The following HSD17B4 variants were observed in gnomAD, a reference collection of about 807,000 sequenced individuals.
HSD17B4 encodes the protein peroxisomal multifunctional enzyme type 2.
Under a neutral mutation model 101.0 loss-of-function variants are expected in HSD17B4, and 70 were observed. The ratio of observed to expected loss-of-function variants is 0.69; its 90% CI spans 0.57 to 0.85. The LOEUF is 0.85. Among genes scored for constraint, HSD17B4 ranks in the 40% least tolerant of loss-of-function variants. The pLI, the probability that HSD17B4 is intolerant of heterozygous loss-of-function variation, is 0.00. For missense variants in HSD17B4, 984 were observed against 892.4 expected, an observed-to-expected ratio of 1.10 and a Z score of -1.31; for synonymous variants, 347 against 297.1, an observed-to-expected ratio of 1.17 and a Z score of -1.73.
rs1752786560 is a variant in HSD17B4, at chr5:119,517,967, T to C, written c.1503+2921T>C. Among the ~76,000 whole-genome samples, 5 of 152,154 alleles carry C rather than the reference T, an allele frequency of 3.3e-5. 1 individual carries two copies. The South Asian group carries it at 1.0e-3, about 32-fold the overall frequency. ...TGGGGACGTGGAGAACCTTTATGTC[T>C]AGCTCAGGGATTGTAAACGCACCAA... On this transcript the variant is annotated intron_variant, in intron 17 of 23. Transcript: ENST00000510025.
chr5:119,499,704 CT>C (rs574481770), intron 13 of HSD17B4, 151 bp downstream of exon 13: 1 of 440,768 alleles, frequency 2.3e-6, no homozygotes, highest in Admixed American at 3.9e-5. Context: ...TTTGATTTTT[CT>C]TTTTAAGAAT....
chr5:119,483,232 C>G (rs1487737274), intron 8 of HSD17B4, among the ~76,000 whole-genome samples: 1 of 152,088 alleles, frequency 6.6e-6, no homozygotes. Flanking sequence ...AGCAATTTGT[C>G]GGTTACTGTT....
Position 119,514,834 on chromosome 5 carries a change from T to G in HSD17B4, c.1438-147T>G, listed in dbSNP as rs1021898884. The G allele has an allele frequency of 4.7e-6, 3 of 635,776 alleles. No homozygotes were observed. In the African/African-American group the frequency reaches 5.5e-5, roughly 12 times the overall value. The allele number at this position is 635,776 out of a possible 1,614,324, so 39.4% of individuals were successfully genotyped here. A position where few individuals can be genotyped will look rare whatever the true frequency, so the allele number is the denominator to read the frequency against. On this transcript the variant is annotated intron_variant, in intron 16 of 23. Coordinates refer to ENST00000510025, the MANE Select transcript of HSD17B4 (RefSeq NM_000414.4). ...GTTATGAAATTTTAAATATCATTATTTCCTGAGCATGATTTTTTTTAAACC... is the reference window on the plus strand; with the variant it reads ...GTTATGAAATTTTAAATATCATTATGTCCTGAGCATGATTTTTTTTAAACC...
intron 16 of HSD17B4, among the ~76,000 whole-genome samples, chr5:119,514,416 T>A (rs1752434203): frequency 6.6e-6 from 1 of 152,200 alleles, no homozygotes; most frequent in East Asian, 1.9e-4. Flanking sequence ...CTACTTGAAT[T>A]TTTTATGTTT....
Position 119,502,498 on chromosome 5 carries a change from T to C in HSD17B4, c.1261+406T>C, listed in dbSNP as rs1473194148. On this transcript the variant is annotated intron_variant, in intron 14 of 23. Coordinates refer to ENST00000510025, the MANE Select transcript of HSD17B4 (RefSeq NM_000414.4). ...AAGATACAGAATTTCTTGTAATTCA[T>C]TTTTTTCTTTTTTTTTGGAGAAAAT... 2.2e-5 allele frequency among the ~76,000 whole-genome samples: 3 copies of C among 133,668 alleles called. No individual in the cohort carries two copies. The East Asian group carries it at 6.3e-4, about 28-fold the overall frequency. 87.7% of individuals were successfully genotyped at this position (133,668 alleles called of 152,430 possible). A position where few individuals can be genotyped will look rare whatever the true frequency, so the allele number is the denominator to read the frequency against.
intron 2 of HSD17B4, among the ~76,000 whole-genome samples, chr5:119,462,154 T>A (rs1755305136): frequency 6.6e-6 from 1 of 151,372 alleles, no homozygotes; most frequent in Non-Finnish European, 1.5e-5. Context: ...CCCTTGACTA[T>A]CATAGTCTTA....
At chr5:119,453,213 A>T (rs1268122316) in intron 1 of HSD17B4, among the ~76,000 whole-genome samples, 1 of 152,190 alleles carries the variant, frequency 6.6e-6, no homozygotes. Context: ...TCTGTTCTCG[A>T]AATCCACTGG....
chr5:119,531,429 A>G (rs200085318), intron 22 of HSD17B4, 25 bp downstream of exon 22: 136 of 1,601,444 alleles, frequency 8.5e-5, no homozygotes, highest in Non-Finnish European at 1.1e-4. Context: ...TGATTTTATA[A>G]TATTCTAAGG....
At chr5:119,486,367 C>T (rs1749611071) in intron 8 of HSD17B4, among the ~76,000 whole-genome samples, 2 of 152,158 alleles carry the variant, frequency 1.3e-5, no homozygotes, top group African/African-American at 4.8e-5. Context: ...AGCCCCCAAA[C>T]TGGAGCATTT....
chr5:119,477,296 G>A (rs1181710402), intron 6 of HSD17B4, 121 bp from the exon 7 acceptor site: 8 of 715,266 alleles, frequency 1.1e-5, no homozygotes, highest in South Asian at 6.7e-5. Context: ...GTGACAGTAG[G>A]CAATTTTATA....
chr5:119,525,757 G>T, intron 18 of HSD17B4, 160 bp from the exon 19 acceptor site: 4 of 564,024 alleles, frequency 7.1e-6, no homozygotes, highest in South Asian at 4.7e-5. Flanking sequence ...TTTCCTCCCA[G>T]GAAATACTCT....
chr5:119,465,660 T>C (rs1755734933), intron 2 of HSD17B4, among the ~76,000 whole-genome samples: 1 of 152,238 alleles, frequency 6.6e-6, no homozygotes, highest in Admixed American at 6.5e-5. Flanking sequence ...TACTGATTTT[T>C]GTATGTTGAT....
intron 8 of HSD17B4, among the ~76,000 whole-genome samples, chr5:119,479,493 G>A (rs189953327): frequency 4.3e-4 from 65 of 152,180 alleles, no homozygotes; most frequent in Middle Eastern, 3.4e-3. Context: ...GCTAAAGTTC[G>A]TCGTTTACAC....
At chr5:119,537,239 C>G (rs925185723) in intron 23 of HSD17B4, among the ~76,000 whole-genome samples, 1 of 151,984 alleles carries the variant, frequency 6.6e-6, no homozygotes, top group Non-Finnish European at 1.5e-5. Flanking sequence ...ATATGATTTT[C>G]CTGTATAGAA....
chr5:119,479,193 A>G (rs1172437218), intron 8 of HSD17B4, among the ~76,000 whole-genome samples, 172 bp downstream of exon 8: 1 of 152,206 alleles, frequency 6.6e-6, no homozygotes, highest in Non-Finnish European at 1.5e-5. Flanking sequence ...GCACAAAGGA[A>G]AAAATAAAAA....
intron 15 of HSD17B4, among the ~76,000 whole-genome samples, chr5:119,507,337 C>T (rs1003725462): frequency 2.0e-5 from 3 of 152,140 alleles, no homozygotes; most frequent in South Asian, 2.1e-4. Flanking sequence ...GGCTCCTAGA[C>T]TTGTGCTTTT....
At chr5:119,455,709 A>G (rs1302390844) in intron 1 of HSD17B4, among the ~76,000 whole-genome samples, 2 of 152,148 alleles carry the variant, frequency 1.3e-5, no homozygotes, top group African/African-American at 2.4e-5. Context: ...TATTTTAAGC[A>G]GCAAAGGATT....
chr5:119,476,469 G>A (rs1445372577), intron 6 of HSD17B4: 2 of 673,748 alleles, frequency 3.0e-6, no homozygotes, highest in Non-Finnish European at 3.7e-6. Flanking sequence ...GAACAGTGGT[G>A]GCTGAGACAG....
At chr5:119,488,260 C>T (rs967734703) in intron 8 of HSD17B4, among the ~76,000 whole-genome samples, 2 of 152,054 alleles carry the variant, frequency 1.3e-5, no homozygotes, top group Non-Finnish European at 2.9e-5. Context: ...AAGTTGCTTG[C>T]ATAGCAGGTT....
Sources: allele counts gnomAD v4.1 joint callset (sites outside exome capture counted in the v4.1 genomes callset), GRCh38; gene constraint gnomAD v4.1.1; transcripts MANE v1.5; gene names NCBI Gene and HGNC (gene_info 2026-07-23, HGNC 2026-07-21).